PDS5A: variants seen among roughly 807,000 people sequenced by gnomAD.
PDS5A encodes PDS5 cohesin associated factor A, also known as sister chromatid cohesion protein PDS5 homolog A.
In PDS5A, 42 loss-of-function variants were observed where a neutral mutation model predicts 167.1. The observed-to-expected ratio is 0.25, with a 90% CI of 0.20 to 0.33. The LOEUF (loss-of-function observed/expected upper bound fraction) is 0.33, where lower values mean the gene tolerates loss of function less well. Ranked by LOEUF, PDS5A falls within the 10% of genes least tolerant of loss-of-function variation. The probability of loss-of-function intolerance (pLI) is 1.00; values close to 1 mark genes in which losing one functional copy is unlikely to be tolerated. For missense variants in PDS5A, 1,033 were observed against 1,605.9 expected, an observed-to-expected ratio of 0.64 and a Z score of 6.10; for synonymous variants, 553 against 554.6, an observed-to-expected ratio of 1.00 and a Z score of 0.04.
At chr4:39,910,950 C>A (rs1175681479) in intron 9 of PDS5A, among the ~76,000 whole-genome samples, 1 of 152,052 alleles carries the variant, frequency 6.6e-6, no homozygotes, top group African/African-American at 2.4e-5. Context: ...CTTGAAAACA[C>A]AGCACAGCCC....
rs751901532 is a variant in PDS5A at position 39,872,932 on chromosome 4, G to A, written c.2436+54C>T. On this transcript the variant is annotated intron_variant, in intron 21 of 32. Coordinates refer to ENST00000303538, the MANE Select transcript of PDS5A (RefSeq NM_001100399.2). Reference sequence around the variant, plus strand: ...GAAACAGAAGTGTTTCTGTGATGAAGATGTAAACAGCCTTAATCTCATGAT... The same window carrying A: ...GAAACAGAAGTGTTTCTGTGATGAAAATGTAAACAGCCTTAATCTCATGAT... The A allele has an allele frequency of 4.3e-4, 414 of 958,258 alleles. 2 individuals are homozygous for A. Among genetic ancestry groups the A allele is most frequent in the Middle Eastern group, 5.8e-4 (2 of 3,460 alleles). 59.4% of individuals were successfully genotyped at this position (958,258 alleles called of 1,614,324 possible). A position where few individuals can be genotyped will look rare whatever the true frequency, so the allele number is the denominator to read the frequency against.
At chr4:39,968,379 CTT>C (rs143785742) in intron 2 of PDS5A, among the ~76,000 whole-genome samples, 13,112 of 145,712 alleles carry the variant, frequency 0.09, 754 homozygotes, top group East Asian at 0.21. Context: ...GAGTTTCGCT[CTT>C]GTTGCCCAGG....
intron 31 of PDS5A, among the ~76,000 whole-genome samples, chr4:39,839,602 T>C (rs1422932618): frequency 1.3e-5 from 2 of 151,456 alleles, no homozygotes; most frequent in African/African-American, 4.9e-5. Context: ...GTTCAGAAAA[T>C]GAGAGTTTGG....
rs1724456619 is a variant in PDS5A at position 39,917,024 on chromosome 4, AAAAAG to A, written c.876+19_876+23del. On this transcript the variant is annotated intron_variant, in intron 8 of 32. Transcript: ENST00000303538. Reference sequence around the variant, plus strand: ...CTAGAAACAAAAAAATTAAAAAAAAAAAAAGAAAACTGGTCAATCTTACCTTTAGT... The same window carrying A: ...CTAGAAACAAAAAAATTAAAAAAAAAAAAACTGGTCAATCTTACCTTTAGT... The A allele has an allele frequency of 1.4e-6, 2 of 1,399,948 alleles. No homozygotes were observed. The highest frequency in any genetic ancestry group is 1.6e-5 in the South Asian group (1 of 62,936). The allele number at this position is 1,399,948 out of a possible 1,614,324, so 86.7% of individuals were successfully genotyped here.
intron 2 of PDS5A, among the ~76,000 whole-genome samples, chr4:39,972,378 G>C (rs1323256405): frequency 1.1e-4 from 16 of 152,078 alleles, no homozygotes; most frequent in Admixed American, 1.0e-3. Flanking sequence ...AAATTAGCTG[G>C]GCATAGTGGC....
At position 39,863,453 on chromosome 4, in the gene PDS5A, A is replaced by G. The variant is rs1189872610; in HGVS notation, c.2649T>C (p.Ser883=). ...DLTEQKRISK[S]DMSRLRLAAG... is the part of the protein sequence containing the mutation. ...CAGCTAATCGCAAGCGAGACATATC[A>G]GATTTACTATAAACAAACAAAAAAG... Residue 883 remains serine, a synonymous_variant, in exon 24 of 33, where the codon TCT becomes TCC. Transcript: ENST00000303538. 3.8e-6 allele frequency: 6 copies of G among 1,595,844 alleles called. No individual in the cohort carries two copies. The highest frequency in any genetic ancestry group is 4.3e-6 in the Non-Finnish European group (5 of 1,172,304).
chr4:39,885,615 A>C (rs1392302495), intron 17 of PDS5A, among the ~76,000 whole-genome samples: 1 of 151,952 alleles, frequency 6.6e-6, no homozygotes, highest in Non-Finnish European at 1.5e-5. Context: ...AAAAGAAAAG[A>C]AAATCTTAAT....
rs897581462 is a variant in PDS5A at position 39,856,677 on chromosome 4, G to A, written c.3086+5542C>T. On this transcript the variant is annotated intron_variant, in intron 26 of 32. Coordinates refer to ENST00000303538, the MANE Select transcript of PDS5A (RefSeq NM_001100399.2). ...CTAAAAATACAAAAATTAGCCAGGC[G>A]TGGTGGCGGGCACCTGTAATCTCAG... Among the ~76,000 whole-genome samples the A allele has an allele frequency of 3.9e-5, 6 of 152,128 alleles. No individual in the cohort carries two copies. In the East Asian group the frequency reaches 7.7e-4, roughly 20 times the overall value.
chr4:39,909,762 C>T (rs148574403), intron 10 of PDS5A, among the ~76,000 whole-genome samples: 1 of 152,272 alleles, frequency 6.6e-6, no homozygotes, highest in East Asian at 1.9e-4. Flanking sequence ...GATTTAAATG[C>T]TCTAGATTCA....
chr4:39,931,792 G>C (rs1425894566), intron 2 of PDS5A, among the ~76,000 whole-genome samples: 3 of 152,024 alleles, frequency 2.0e-5, no homozygotes, highest in Non-Finnish European at 2.9e-5. Flanking sequence ...AGGAAATAAG[G>C]ATCATTCAGA....
intron 31 of PDS5A, among the ~76,000 whole-genome samples, chr4:39,841,449 C>T (rs1356766138): frequency 6.6e-6 from 1 of 151,892 alleles, no homozygotes; most frequent in Non-Finnish European, 1.5e-5. Context: ...AATTCCTATT[C>T]TTTAAAAGAG....
chr4:39,881,795 T>C (rs1720951112), intron 17 of PDS5A, among the ~76,000 whole-genome samples: 1 of 152,182 alleles, frequency 6.6e-6, no homozygotes, highest in African/African-American at 2.4e-5. Context: ...TACAATTTCA[T>C]AGGGTTTGGC....
At chr4:39,887,983 G>T (rs1721625358) in intron 17 of PDS5A, among the ~76,000 whole-genome samples, 5 of 152,158 alleles carry the variant, frequency 3.3e-5, no homozygotes. Flanking sequence ...CAGGTGCAGT[G>T]GCTCACGCCT....
chr4:39,950,463 G>A (rs937543901), intron 2 of PDS5A, among the ~76,000 whole-genome samples: 1 of 151,986 alleles, frequency 6.6e-6, no homozygotes, highest in African/African-American at 2.4e-5. Context: ...AGATGGCCAG[G>A]CACAGTGGCT....
At chr4:39,849,098 C>A in intron 27 of PDS5A, 128 bp from the exon 28 acceptor site, 1 of 704,926 alleles carries the variant, frequency 1.4e-6, no homozygotes, top group South Asian at 2.0e-5. Context: ...CTTGAACATT[C>A]CATATTTCTG....
intron 22 of PDS5A, among the ~76,000 whole-genome samples, chr4:39,867,413 C>A (rs1021106066): frequency 6.6e-6 from 1 of 151,918 alleles, no homozygotes; most frequent in African/African-American, 2.4e-5. Context: ...ACTATACAGG[C>A]CGGGGGTGGT....
rs1347109389 is a variant in PDS5A, at chr4:39,913,692, C to T, written c.911G>A (p.Arg304Gln). Residue 304 changes from arginine (R) to glutamine (Q), a missense_variant, in exon 9 of 33, where the codon CGA becomes CAA. Physicochemically the swap from Arg to Gln is conservative, Grantham distance 43. Coordinates refer to ENST00000303538, the MANE Select transcript of PDS5A (RefSeq NM_001100399.2). ...NDGEERLAVVRLLAKLFGSKD... is the reference protein window; with the variant it reads ...NDGEERLAVVQLLAKLFGSKD... ...GGAGCCAAACAATTTAGCTAGAAGT[C>T]GAACAACAGCTAATCGCTCTTCTCC... 25 of 1,609,082 alleles carry T rather than the reference C, an allele frequency of 1.6e-5. No individual in the cohort carries two copies. Among genetic ancestry groups the T allele is most frequent in the Non-Finnish European group, 2.1e-5 (25 of 1,175,528 alleles).
At chr4:39,964,412 T>C (rs1254633949) in intron 2 of PDS5A, among the ~76,000 whole-genome samples, 1 of 152,196 alleles carries the variant, frequency 6.6e-6, no homozygotes, top group Non-Finnish European at 1.5e-5. Context: ...TATATCATAA[T>C]AGCAATGCAA....
intron 2 of PDS5A, among the ~76,000 whole-genome samples, chr4:39,962,285 T>C (rs1236708229): frequency 6.6e-6 from 1 of 151,638 alleles, no homozygotes; most frequent in Non-Finnish European, 1.5e-5. Context: ...CTTGATCTCC[T>C]GACCTTGTGA....
Sources: allele counts gnomAD v4.1 joint callset (sites outside exome capture counted in the v4.1 genomes callset), GRCh38; gene constraint gnomAD v4.1.1; transcripts MANE v1.5; gene names NCBI Gene and HGNC (gene_info 2026-07-23, HGNC 2026-07-21).